The following UIMC1 variants were observed in gnomAD, a reference collection of about 807,000 sequenced individuals.
UIMC1 encodes ubiquitin interaction motif containing 1.
Under a neutral mutation model 84.9 loss-of-function variants are expected in UIMC1, and 42 were observed. The observed-to-expected ratio is 0.49, with a 90% CI of 0.39 to 0.64. The LOEUF (loss-of-function observed/expected upper bound fraction) is 0.64. Among genes scored for constraint, UIMC1 ranks in the 30% least tolerant of loss-of-function variants. The pLI is 0.00. For synonymous variants in UIMC1, 281 were observed against 293.0 expected (o/e 0.96, Z 0.42); for missense variants, 825 against 847.6 (o/e 0.97, Z 0.33).
At chr5:176,999,352 TAGTC>T (rs1774113386) in intron 1 of UIMC1, among the ~76,000 whole-genome samples, 1 of 152,202 alleles carries the variant, frequency 6.6e-6, no homozygotes, top group Non-Finnish European at 1.5e-5. Flanking sequence ...CAATATGTAA[TAGTC>T]AGATCATACA....
At chr5:176,964,237 G>C (rs1029053741) in intron 6 of UIMC1, among the ~76,000 whole-genome samples, 1 of 152,158 alleles carries the variant, frequency 6.6e-6, no homozygotes, top group African/African-American at 2.4e-5. Flanking sequence ...AGATTGAGAG[G>C]TAAAACTACA....
At chr5:176,998,266 C>A (rs1376050297) in intron 1 of UIMC1, among the ~76,000 whole-genome samples, 1 of 151,942 alleles carries the variant, frequency 6.6e-6, no homozygotes, top group African/African-American at 2.4e-5. Flanking sequence ...GAGTTCGAGA[C>A]CACCCTGGCC....
At chr5:177,010,647 G>C (rs1775527239), upstream of UIMC1, among the ~76,000 whole-genome samples, 1 of 151,954 alleles carries the variant, frequency 6.6e-6, no homozygotes, top group Non-Finnish European at 1.5e-5. Context: ...TCAGCCTCCT[G>C]AGTAGCTGGG....
chr5:176,986,811 T>C (rs575484182), intron 1 of UIMC1, among the ~76,000 whole-genome samples: 1 of 152,266 alleles, frequency 6.6e-6, no homozygotes, highest in South Asian at 2.1e-4. Context: ...CTTAGGGTTC[T>C]AGGCAGAACA....
intron 10 of UIMC1, among the ~76,000 whole-genome samples, chr5:176,939,964 T>C (rs530387735): frequency 2.2e-4 from 34 of 152,086 alleles, no homozygotes; most frequent in African/African-American, 7.7e-4. Context: ...ATATCCAGAG[T>C]GTAAATCCAA....
intron 1 of UIMC1, among the ~76,000 whole-genome samples, chr5:176,994,982 GA>G (rs1773402556): frequency 2.0e-5 from 3 of 152,004 alleles, no homozygotes. Context: ...TGTGCTGGGA[GA>G]GTATCTGGAG....
upstream of UIMC1, among the ~76,000 whole-genome samples, chr5:177,010,646 T>C (rs1005736350): frequency 2.0e-5 from 3 of 152,128 alleles, no homozygotes; most frequent in South Asian, 4.1e-4. Flanking sequence ...CTCAGCCTCC[T>C]GAGTAGCTGG....
At chr5:177,018,940 G>GCGACTT (rs1158137511) in intron 1 of UIMC1, among the ~76,000 whole-genome samples, 1 of 152,192 alleles carries the variant, frequency 6.6e-6, no homozygotes, top group Non-Finnish European at 1.5e-5. Flanking sequence ...TGTGGGTTCT[G>GCGACTT]CGACTTCGAC....
chr5:176,912,222 A>T (rs1760307262), intron 10 of UIMC1, among the ~76,000 whole-genome samples: 1 of 152,230 alleles, frequency 6.6e-6, no homozygotes, highest in Admixed American at 6.5e-5. Flanking sequence ...TAAATATTTT[A>T]GTCTTGGTAG....
intron 10 of UIMC1, among the ~76,000 whole-genome samples, chr5:176,939,420 A>T (rs1445466967): frequency 1.3e-5 from 2 of 152,192 alleles, no homozygotes; most frequent in East Asian, 3.8e-4. Context: ...CCACAAAAAG[A>T]CATTTCAGCC....
intron 3 of UIMC1, among the ~76,000 whole-genome samples, chr5:176,972,595 G>A (rs1769416821): frequency 6.6e-6 from 1 of 151,942 alleles, no homozygotes; most frequent in Admixed American, 6.6e-5. Flanking sequence ...AATTAGCTGG[G>A]CGTGGTGGCA....
At chr5:176,955,810 T>C (rs1208300352) in intron 8 of UIMC1, 149 bp downstream of exon 8, 1 of 602,726 alleles carries the variant, frequency 1.7e-6, no homozygotes, top group East Asian at 3.0e-5. Context: ...TATATGTGTA[T>C]ACGCATACGA....
At chr5:176,972,233 T>C (rs1769349556) in intron 3 of UIMC1, among the ~76,000 whole-genome samples, 1 of 150,782 alleles carries the variant, frequency 6.6e-6, no homozygotes, top group Admixed American at 6.6e-5. Context: ...ACCCCGTCTC[T>C]ACTAAAAAAA....
At chr5:176,986,113 A>T (rs1363855784) in intron 1 of UIMC1, among the ~76,000 whole-genome samples, 1 of 151,820 alleles carries the variant, frequency 6.6e-6, no homozygotes, top group Non-Finnish European at 1.5e-5. Context: ...CTGTGTCTAC[A>T]GGATAGAAGG....
intron 9 of UIMC1, among the ~76,000 whole-genome samples, chr5:176,951,177 T>C (rs1765838549): frequency 6.6e-6 from 1 of 152,230 alleles, no homozygotes; most frequent in African/African-American, 2.4e-5. Flanking sequence ...TCAAATTATA[T>C]TTCTACCATT....
At chr5:176,932,373 T>C (rs552774774) in intron 10 of UIMC1, among the ~76,000 whole-genome samples, 1 of 152,350 alleles carries the variant, frequency 6.6e-6, no homozygotes, top group South Asian at 2.1e-4. Context: ...AAGAATTAAG[T>C]ACATTTTGTA....
chr5:177,020,592 G>T (rs371069200), intron 1 of UIMC1, among the ~76,000 whole-genome samples: 3 of 152,000 alleles, frequency 2.0e-5, no homozygotes, highest in Admixed American at 6.6e-5. Context: ...CACCACGCCC[G>T]GCTAATTTTT....
At chr5:176,983,147 G>A (rs528413443) in intron 1 of UIMC1, among the ~76,000 whole-genome samples, 4 of 151,818 alleles carry the variant, frequency 2.6e-5, no homozygotes, top group Non-Finnish European at 4.4e-5. Flanking sequence ...ATTTAATCTT[G>A]TAAAAGAAAA....
chr5:176,996,240 C>T (rs764893956), intron 1 of UIMC1, among the ~76,000 whole-genome samples: 1 of 152,060 alleles, frequency 6.6e-6, no homozygotes, highest in African/African-American at 2.4e-5. Flanking sequence ...AAAAACTAAT[C>T]AACAGTTAAA....
Sources: allele counts gnomAD v4.1 joint callset (sites outside exome capture counted in the v4.1 genomes callset), GRCh38; gene constraint gnomAD v4.1.1; transcripts MANE v1.5; gene names NCBI Gene and HGNC (gene_info 2026-07-23, HGNC 2026-07-21).